DSG4: variants seen among roughly 807,000 people sequenced by gnomAD.
DSG4 encodes desmoglein 4, also known as desmoglein-4.
DSG4 carries 87 observed loss-of-function variants against 93.1 expected under a neutral mutation model. That is an observed-to-expected ratio of 0.93 (90% CI 0.79 to 1.12). The LOEUF (loss-of-function observed/expected upper bound fraction) is 1.12, where lower values mean the gene tolerates loss of function less well. DSG4 is among the 50% of genes most tolerant of loss of function. The pLI is 0.00. For synonymous variants in DSG4, 432 were observed against 452.9 expected (o/e 0.95, Z 0.59); for missense variants, 1,373 against 1,285.7 (o/e 1.07, Z -1.04).
Position 31,392,170 on chromosome 18 carries a change from G to A in DSG4, c.835G>A (p.Glu279Lys). 1 of 1,613,596 alleles carries A rather than the reference G, an allele frequency of 6.2e-7. No individual in the cohort carries two copies. Among genetic ancestry groups the A allele is most frequent in the African/African-American group, 1.3e-5 (1 of 74,992 alleles). Reference protein sequence around the residue: ...LEKTSYSASIEENCLSSELIR... With the variant: ...LEKTSYSASIKENCLSSELIR... ...TGCATTTTAGTACTCAGCCAGTATT[G>A]AAGAGAATTGTTTAAGTTCGGAACT... Residue 279 changes from glutamate to lysine, a missense_variant, in exon 8 of 16, where the codon GAA becomes AAA. Coordinates refer to ENST00000308128, the MANE Select transcript of DSG4 (RefSeq NM_177986.5).
chr18:31,388,746 A>G (rs1298071970), intron 4 of DSG4, 128 bp from the exon 5 acceptor site: 2 of 1,427,696 alleles, frequency 1.4e-6, no homozygotes, highest in East Asian at 4.6e-5. Flanking sequence ...TATTTAAATT[A>G]TTTGACTGTA....
chr18:31,390,404 G>A (rs954875501), intron 5 of DSG4, among the ~76,000 whole-genome samples: 4 of 152,124 alleles, frequency 2.6e-5, no homozygotes, highest in Non-Finnish European at 5.9e-5. Context: ...AGAGAACTAT[G>A]TTTAGCCACT....
In DSG4 at chr18:31,394,910, A is replaced by G. The variant is rs140024060; in HGVS notation, c.1005+2570A>G. 5.6e-3 allele frequency among the ~76,000 whole-genome samples: 853 copies of G among 152,268 alleles called. 7 individuals are homozygous for G. The highest frequency in any genetic ancestry group is 0.019 in the African/African-American group (808 of 41,554). ...ATCATCTTAGTGACTAACTTTGTAT[A>G]TTATCTCATAATATGTAACTGCTCT... On this transcript the variant is annotated intron_variant, in intron 8 of 15. Coordinates refer to ENST00000308128, the MANE Select transcript of DSG4 (RefSeq NM_177986.5).
In DSG4 at chr18:31,388,961, G is replaced by T. The variant is rs13381457; in HGVS notation, c.460G>T (p.Ala154Ser). 10 of 1,613,362 alleles carry T rather than the reference G, an allele frequency of 6.2e-6. No individual in the cohort carries two copies. The African/African-American group carries it at 9.4e-5, about 15-fold the overall frequency. ...RVKVMDINDNAPVFSQSVYTA... is the reference protein window; with the variant it reads ...RVKVMDINDNSPVFSQSVYTA... ...CAAAGTTATGGACATAAATGATAACGCTCCAGTCTTTTCGCAAAGTGTATA... is the reference window on the plus strand; with the variant it reads ...CAAAGTTATGGACATAAATGATAACTCTCCAGTCTTTTCGCAAAGTGTATA... The change falls in exon 5 of 16, where the codon GCT becomes TCT. Residue 154 changes from alanine to serine, a missense_variant. Transcript: ENST00000308128.
intron 8 of DSG4, among the ~76,000 whole-genome samples, chr18:31,393,571 G>A (rs1397873545): frequency 6.6e-6 from 1 of 152,090 alleles, no homozygotes; most frequent in African/African-American, 2.4e-5. Flanking sequence ...TATCACCAAG[G>A]CTATGGTGGT....
In DSG4 at chr18:31,387,188, A is replaced by G. The variant is rs2072197790; in HGVS notation, c.216+369A>G. ...TTACTGCACTAGATGAATTAACTCC[A>G]GGAAAGTAAGGATAGTATCAAAAGT... On this transcript the variant is annotated intron_variant, in intron 3 of 15. Coordinates refer to ENST00000308128, the MANE Select transcript of DSG4 (RefSeq NM_177986.5). 2.0e-5 allele frequency among the ~76,000 whole-genome samples: 3 copies of G among 152,196 alleles called. No homozygotes were observed. The South Asian group carries it at 6.2e-4, about 31-fold the overall frequency.
chr18:31,392,482 C>T, intron 8 of DSG4, 142 bp downstream of exon 8: 1 of 889,006 alleles, frequency 1.1e-6, no homozygotes, highest in Non-Finnish European at 1.8e-6. Flanking sequence ...TCCTAAGTAA[C>T]TGCTATGTCA....
chr18:31,377,066 T>C lies in DSG4; in HGVS notation c.48+107T>C, dbSNP rs565913208. 3.0e-5 allele frequency: 37 copies of C among 1,225,622 alleles called. No individual in the cohort carries two copies. The Admixed American group carries it at 7.0e-4, about 23-fold the overall frequency. 75.9% of individuals were successfully genotyped at this position (1,225,622 alleles called of 1,614,324 possible). A position where few individuals can be genotyped will look rare whatever the true frequency, so the allele number is the denominator to read the frequency against. On this transcript the variant is annotated intron_variant, in intron 1 of 15. Transcript: ENST00000308128. Reference sequence around the variant, plus strand: ...TTTATTCCATTTTTAATCTCCTTCCTGCAAAGAGAGTTCTAGAAGTCCAGC... The same window carrying C: ...TTTATTCCATTTTTAATCTCCTTCCCGCAAAGAGAGTTCTAGAAGTCCAGC...
chr18:31,390,893 G>C lies in DSG4; in HGVS notation c.684+71G>C, dbSNP rs2072241105. On this transcript the variant is annotated intron_variant, in intron 6 of 15. Transcript: ENST00000308128. ...AAAAGACAAAGATAAAATGATCCAT[G>C]TGTACCCTTACTCCAATATAAAGGA... 3.2e-6 allele frequency: 5 copies of C among 1,559,922 alleles called. No individual in the cohort carries two copies. In the Admixed American group the frequency reaches 9.4e-5, roughly 29 times the overall value.
At position 31,392,350 on chromosome 18, in the gene DSG4, A is replaced by G; in HGVS notation, c.1005+10A>G. ...TTTGAAAGTTGTCAAGGTACAGTAT[A>G]AGGATCTGCAATATTTTCTTCCAAA... On this transcript the variant is annotated intron_variant, in intron 8 of 15. Transcript: ENST00000308128. The G allele has an allele frequency of 6.2e-7, 1 of 1,613,054 alleles. No individual in the cohort carries two copies. The highest frequency in any genetic ancestry group is 8.5e-7 in the Non-Finnish European group (1 of 1,179,358).
intron 1 of DSG4, among the ~76,000 whole-genome samples, chr18:31,377,474 C>T (rs1339982527): frequency 6.6e-6 from 1 of 152,074 alleles, no homozygotes; most frequent in East Asian, 1.9e-4. Flanking sequence ...TCAGATATTG[C>T]TAAAGAAAAA....
intron 8 of DSG4, among the ~76,000 whole-genome samples, chr18:31,393,032 A>G (rs1281374267): frequency 6.6e-6 from 1 of 152,180 alleles, no homozygotes; most frequent in African/African-American, 2.4e-5. Context: ...TTTAATTCAC[A>G]GACAATGATA....
intron 8 of DSG4, among the ~76,000 whole-genome samples, chr18:31,394,747 A>G (rs2072287848): frequency 6.6e-6 from 1 of 152,126 alleles, no homozygotes; most frequent in Admixed American, 6.5e-5. Context: ...GAATAGAGGA[A>G]CAAGAGGTCA....
intron 8 of DSG4, among the ~76,000 whole-genome samples, chr18:31,393,874 C>T (rs1235029160): frequency 6.6e-6 from 1 of 152,154 alleles, no homozygotes; most frequent in Non-Finnish European, 1.5e-5. Flanking sequence ...GGTATATTAA[C>T]TTAAGAGCTG....
chr18:31,390,192 A>C (rs2144176834), intron 5 of DSG4, among the ~76,000 whole-genome samples: 1 of 152,300 alleles, frequency 6.6e-6, no homozygotes, highest in East Asian at 1.9e-4. Flanking sequence ...AAGAGTAATT[A>C]TCTGCTTTCT....
chr18:31,391,852 C>T (rs2144180608), intron 7 of DSG4, among the ~76,000 whole-genome samples: 1 of 151,762 alleles, frequency 6.6e-6, no homozygotes, highest in Admixed American at 6.6e-5. Flanking sequence ...AAATCTGGTC[C>T]TCTATCTAAA....
At chr18:31,401,646 C>T (rs1427865919) in intron 10 of DSG4, 1 of 152,102 alleles carries the variant, frequency 6.6e-6, no homozygotes, top group Non-Finnish European at 1.5e-5. Flanking sequence ...TGAGCAGCAA[C>T]AGGATTTGTT....
Position 31,392,165 on chromosome 18 carries a change from G to C in DSG4, c.830G>C (p.Ser277Thr), listed in dbSNP as rs1265685409. Reference sequence around the variant, plus strand: ...ATCCTTGCATTTTAGTACTCAGCCAGTATTGAAGAGAATTGTTTAAGTTCG... The same window carrying C: ...ATCCTTGCATTTTAGTACTCAGCCACTATTGAAGAGAATTGTTTAAGTTCG... Reference protein sequence around the residue: ...PTLEKTSYSASIEENCLSSEL... With the variant: ...PTLEKTSYSATIEENCLSSEL... The change falls in exon 8 of 16, where the codon AGT (serine) becomes ACT (threonine). Residue 277 changes from serine to threonine, a missense_variant. Physicochemically the swap from Ser to Thr is moderately conservative, Grantham distance 58. Transcript: ENST00000308128. 2 of 1,613,578 alleles carry C rather than the reference G, an allele frequency of 1.2e-6. No homozygotes were observed. Among genetic ancestry groups the C allele is most frequent in the Non-Finnish European group, 1.7e-6 (2 of 1,179,730 alleles).
chr18:31,395,452 T>A (rs1367490275), intron 8 of DSG4, among the ~76,000 whole-genome samples: 3 of 152,268 alleles, frequency 2.0e-5, no homozygotes, highest in African/African-American at 7.2e-5. Context: ...CTAATTAAAA[T>A]GAAATTTTAA....
Sources: allele counts gnomAD v4.1 joint callset (sites outside exome capture counted in the v4.1 genomes callset), GRCh38; gene constraint gnomAD v4.1.1; transcripts MANE v1.5; gene names NCBI Gene and HGNC (gene_info 2026-07-23, HGNC 2026-07-21).